CLIP1: variants seen among roughly 807,000 people sequenced by gnomAD.
The protein encoded by CLIP1 is CAP-Gly domain containing linker protein 1.
In CLIP1, 66 loss-of-function variants were observed where a neutral mutation model predicts 161.6. The observed-to-expected ratio is 0.41, with a 90% CI of 0.33 to 0.50. The LOEUF (loss-of-function observed/expected upper bound fraction) is 0.50. Among genes scored for constraint, CLIP1 ranks in the 20% least tolerant of loss-of-function variants. CLIP1 has a pLI of 0.27. For missense variants in CLIP1, 1,376 were observed against 1,702.0 expected (o/e 0.81, Z 3.37); for synonymous variants, 598 against 626.2 (o/e 0.96, Z 0.67).
intron 11 of CLIP1, among the ~76,000 whole-genome samples, 170 bp downstream of exon 11, chr12:122,340,583 A>C (rs550236422): frequency 1.3e-5 from 2 of 152,350 alleles, no homozygotes; most frequent in Admixed American, 1.3e-4. Context: ...TCCTCAGATG[A>C]AACCATACTT....
chr12:122,349,719 G>A (rs1466363781), intron 9 of CLIP1, among the ~76,000 whole-genome samples: 1 of 152,220 alleles, frequency 6.6e-6, no homozygotes, highest in African/African-American at 2.4e-5. Context: ...GGAAAGCAAA[G>A]GCTTTGCGAG....
chr12:122,365,141 C>T (rs1413924420), intron 3 of CLIP1: 15 of 406,548 alleles, frequency 3.7e-5, no homozygotes, highest in African/African-American at 1.1e-4. Flanking sequence ...TGCTAAATGA[C>T]GAGTTAATGG....
At chr12:122,274,865 T>C (rs919494060) in intron 24 of CLIP1, 3 of 150,790 alleles carry the variant, frequency 2.0e-5, no homozygotes, top group Non-Finnish European at 3.0e-5. Context: ...ATTTTATTTA[T>C]TTATGAGATG....
intron 17 of CLIP1, among the ~76,000 whole-genome samples, chr12:122,320,746 T>C (rs1951466313): frequency 6.6e-6 from 1 of 150,860 alleles, no homozygotes; most frequent in Admixed American, 6.6e-5. Context: ...AGTCTCATTC[T>C]GTCACCAGGC....
intron 20 of CLIP1, among the ~76,000 whole-genome samples, chr12:122,303,858 T>C (rs1950775274): frequency 6.6e-6 from 1 of 152,130 alleles, no homozygotes; most frequent in Non-Finnish European, 1.5e-5. Context: ...GTCCTCCCCC[T>C]GATTCCATCC....
chr12:122,294,571 T>C (rs1300296269), intron 20 of CLIP1, among the ~76,000 whole-genome samples: 1 of 151,764 alleles, frequency 6.6e-6, no homozygotes, highest in African/African-American at 2.4e-5. Context: ...GAGACCAGCC[T>C]GGGTAACATA....
chr12:122,285,892 G>A (rs1319902238), intron 21 of CLIP1, among the ~76,000 whole-genome samples: 6 of 151,322 alleles, frequency 4.0e-5, no homozygotes, highest in Non-Finnish European at 5.9e-5. Flanking sequence ...TCTTATTTAT[G>A]TAAAATTAAA....
intron 19 of CLIP1, among the ~76,000 whole-genome samples, chr12:122,316,048 A>G (rs997889825): frequency 1.3e-5 from 2 of 151,900 alleles, no homozygotes; most frequent in African/African-American, 4.8e-5. Flanking sequence ...AGGGTCTGAC[A>G]TTTCCAAATG....
chr12:122,330,054 T>C (rs1166434227), intron 15 of CLIP1, among the ~76,000 whole-genome samples: 2 of 151,852 alleles, frequency 1.3e-5, no homozygotes, highest in Non-Finnish European at 2.9e-5. Context: ...AAGGTGGAGG[T>C]TGCGGTGACC....
chr12:122,392,840 G>A (rs1241139203), intron 1 of CLIP1, among the ~76,000 whole-genome samples: 2 of 151,906 alleles, frequency 1.3e-5, no homozygotes, highest in African/African-American at 2.4e-5. Flanking sequence ...GGAGTGCAGT[G>A]GCCCACTCTC....
chr12:122,274,083 T>G lies in CLIP1; in HGVS notation c.4046A>C (p.Glu1349Ala), dbSNP rs375977049. 2 of 1,613,782 alleles carry G rather than the reference T, an allele frequency of 1.2e-6. No homozygotes were observed. The highest frequency in any genetic ancestry group is 2.7e-5 in the African/African-American group (2 of 74,918). The change falls in exon 25 of 26, where the codon GAA (glutamate) becomes GCA (alanine). Residue 1349 changes from glutamate to alanine, a missense_variant. This residue lies in a region of CLIP1 where 948 missense variants were observed against 1,134.8 expected (regional missense o/e 0.84). Coordinates refer to ENST00000620786, the MANE Select transcript of CLIP1 (RefSeq NM_001247997.2). ...ATCCCCGTTCCCATTCAGGGCTGCT[T>G]CTGACATCATCTCCACCTTCATCTT... ...DLKMKVEMMS[E>A]AALNGNGDDL...
chr12:122,347,615 G>A lies in CLIP1; in HGVS notation c.1402-136C>T, dbSNP rs1952812087. The A allele has an allele frequency of 3.2e-5, 21 of 661,124 alleles. No individual in the cohort carries two copies. In the East Asian group the frequency reaches 5.4e-4, roughly 17 times the overall value. The allele number at this position is 661,124 out of a possible 1,614,324, so 41.0% of individuals were successfully genotyped here. ...GGTGAACCAAAGGGGAATGGAGAAG[G>A]GAAGAGGTGGAGGTGAGATGAGGTG... On this transcript the variant is annotated intron_variant, in intron 9 of 25. Coordinates refer to ENST00000620786, the MANE Select transcript of CLIP1 (RefSeq NM_001247997.2).
chr12:122,367,027 A>G (rs554229308), intron 3 of CLIP1, among the ~76,000 whole-genome samples: 1 of 152,192 alleles, frequency 6.6e-6, no homozygotes, highest in African/African-American at 2.4e-5. Flanking sequence ...AGCCAGCATC[A>G]TGTGAGCAGG....
chr12:122,340,067 T>A (rs1462352170), intron 11 of CLIP1, among the ~76,000 whole-genome samples: 1 of 151,662 alleles, frequency 6.6e-6, no homozygotes, highest in Non-Finnish European at 1.5e-5. Flanking sequence ...GAGGAGATGA[T>A]CTTTTAAGCT....
chr12:122,288,511 G>C lies in CLIP1; in HGVS notation c.3625C>G (p.Gln1209Glu). 1 of 1,607,546 alleles carries C rather than the reference G, an allele frequency of 6.2e-7. No homozygotes were observed. The highest frequency in any genetic ancestry group is 8.5e-7 in the Non-Finnish European group (1 of 1,179,598). Residue 1209 changes from glutamine (Q) to glutamate (E), a missense_variant, in exon 21 of 26, where the codon CAG becomes GAG. Physicochemically the swap from Gln to Glu is conservative, Grantham distance 29. Around this residue, in one of 6 missense-constraint regions of CLIP1, gnomAD observed 948 missense variants for 1,134.8 expected, o/e 0.84. Transcript: ENST00000620786. Reference protein sequence around the residue: ...LEEERSVLNNQLLEMKKRESK... With the variant: ...LEEERSVLNNELLEMKKRESK... The stretch of plus-strand genomic sequence containing the variant: ...TACCTTTTTTTCATTTCTAACAACT[G>C]ATTATTGAGCACAGATCTTTCTTCT...
chr12:122,420,001 G>T (rs1376013646), intron 1 of CLIP1, among the ~76,000 whole-genome samples: 1 of 150,158 alleles, frequency 6.7e-6, no homozygotes, highest in African/African-American at 2.4e-5. Context: ...CACATGGGAT[G>T]TGACAGAGTG....
At chr12:122,289,063 G>A (rs1363536408) in intron 20 of CLIP1, among the ~76,000 whole-genome samples, 2 of 150,774 alleles carry the variant, frequency 1.3e-5, no homozygotes, top group Non-Finnish European at 3.0e-5. Context: ...TGATCCGCCC[G>A]CCTCAGCCTC....
chr12:122,314,239 C>T (rs1401504565), intron 19 of CLIP1, among the ~76,000 whole-genome samples: 1 of 148,072 alleles, frequency 6.8e-6, no homozygotes, highest in Non-Finnish European at 1.5e-5. Context: ...TGCAGTGAGC[C>T]GAGACTGCAC....
chr12:122,303,433 C>G (rs550200275), intron 20 of CLIP1, among the ~76,000 whole-genome samples: 1 of 152,240 alleles, frequency 6.6e-6, no homozygotes, highest in South Asian at 2.1e-4. Flanking sequence ...TTATCTGAGG[C>G]CTTTATCTTT....
Sources: allele counts gnomAD v4.1 joint callset (sites outside exome capture counted in the v4.1 genomes callset), GRCh38; gene constraint gnomAD v4.1.1; regional missense constraint gnomAD v4.1.1; transcripts MANE v1.5; gene names NCBI Gene and HGNC (gene_info 2026-07-23, HGNC 2026-07-21).